NLGN1: variants seen among roughly 807,000 people sequenced by gnomAD.
NLGN1 encodes neuroligin 1.
Under a neutral mutation model 65.5 loss-of-function variants are expected in NLGN1, and 12 were observed. That is an observed-to-expected ratio of 0.18 (90% CI 0.12 to 0.30). The LOEUF (loss-of-function observed/expected upper bound fraction) is 0.30, where lower values mean the gene tolerates loss of function less well. Among genes scored for constraint, NLGN1 ranks in the 10% least tolerant of loss-of-function variants. NLGN1 has a pLI of 1.00. For missense variants in NLGN1, 750 were observed against 1,007.1 expected (o/e 0.74, Z 3.46); for synonymous variants, 350 against 359.5 (o/e 0.97, Z 0.30).
intron 4 of NLGN1, among the ~76,000 whole-genome samples, chr3:173,820,648 A>G (rs1185551611): frequency 1.3e-5 from 2 of 152,182 alleles, no homozygotes; most frequent in African/African-American, 4.8e-5. Context: ...AGAGCAATTA[A>G]AACAATATAC....
intron 2 of NLGN1, among the ~76,000 whole-genome samples, chr3:173,596,621 T>C (rs6801149): frequency 0.88 from 134,040 of 152,174 alleles, 59,106 homozygotes; most frequent in East Asian, 0.93. Context: ...TGGTGCTTGT[T>C]GTTAATCCAG....
At chr3:173,447,594 A>T (rs1358696754) in intron 2 of NLGN1, among the ~76,000 whole-genome samples, 1 of 152,306 alleles carries the variant, frequency 6.6e-6, no homozygotes, top group Middle Eastern at 3.4e-3. Context: ...CAATTCTGTG[A>T]AGAAAGTCAT....
intron 1 of NLGN1, among the ~76,000 whole-genome samples, chr3:173,405,952 T>TA (rs1488409409): frequency 1.3e-5 from 2 of 152,144 alleles, no homozygotes; most frequent in African/African-American, 4.8e-5. Flanking sequence ...ACATTTAAGT[T>TA]AGTATGATAT....
At chr3:174,215,561 G>A (rs924292278) in intron 4 of NLGN1, among the ~76,000 whole-genome samples, 1 of 152,166 alleles carries the variant, frequency 6.6e-6, no homozygotes, top group Non-Finnish European at 1.5e-5. Flanking sequence ...TTTGTACTGA[G>A]AAAACTTTGT....
At chr3:173,979,689 C>T (rs7651732) in intron 4 of NLGN1, among the ~76,000 whole-genome samples, 3,052 of 152,100 alleles carry the variant, frequency 0.02, 97 homozygotes, top group African/African-American at 0.07. Flanking sequence ...TCAAGATTAC[C>T]AGTCTTCTGA....
chr3:173,480,051 CA>C (rs1351566062), intron 2 of NLGN1, among the ~76,000 whole-genome samples: 1 of 152,056 alleles, frequency 6.6e-6, no homozygotes, highest in Non-Finnish European at 1.5e-5. Context: ...TTATTTAAGA[CA>C]GTTGAAAAGA....
intron 2 of NLGN1, among the ~76,000 whole-genome samples, chr3:173,540,010 C>T (rs1364078043): frequency 6.6e-6 from 1 of 151,160 alleles, no homozygotes; most frequent in Non-Finnish European, 1.5e-5. Flanking sequence ...TTAGATAAGA[C>T]CCAGTTTATG....
intron 4 of NLGN1, among the ~76,000 whole-genome samples, chr3:174,165,133 T>C (rs570430385): frequency 6.6e-6 from 1 of 152,178 alleles, no homozygotes; most frequent in East Asian, 1.9e-4. Flanking sequence ...TTTAATATTA[T>C]TGGTTTATAG....
At chr3:173,704,080 T>C (rs528171325) in intron 3 of NLGN1, among the ~76,000 whole-genome samples, 74 of 152,328 alleles carry the variant, frequency 4.9e-4, no homozygotes, top group Middle Eastern at 3.4e-3. Context: ...TTTATTTTTT[T>C]TACCTGCAGT....
At chr3:173,730,941 A>G (rs1003421268) in intron 3 of NLGN1, among the ~76,000 whole-genome samples, 14 of 152,088 alleles carry the variant, frequency 9.2e-5, no homozygotes, top group Non-Finnish European at 1.6e-4. Context: ...AGAGAAAGCA[A>G]ACGTATCAAT....
chr3:174,166,079 TCTC>T (rs1208297018), intron 4 of NLGN1, among the ~76,000 whole-genome samples: 4 of 152,064 alleles, frequency 2.6e-5, no homozygotes, highest in African/African-American at 4.8e-5. Context: ...ATTTGGATCT[TCTC>T]CTTTTTTTTC....
chr3:174,030,843 C>G (rs996996110), intron 4 of NLGN1, among the ~76,000 whole-genome samples: 1 of 152,128 alleles, frequency 6.6e-6, no homozygotes, highest in African/African-American at 2.4e-5. Flanking sequence ...AGGCTCAGGA[C>G]ATTACCAAAT....
At chr3:173,526,749 T>G (rs1348062417) in intron 2 of NLGN1, among the ~76,000 whole-genome samples, 3 of 152,186 alleles carry the variant, frequency 2.0e-5, no homozygotes, top group Non-Finnish European at 4.4e-5. Context: ...CTTTCCCCAC[T>G]ACCCTTTCCA....
intron 4 of NLGN1, among the ~76,000 whole-genome samples, chr3:174,038,176 T>A (rs1731542935): frequency 6.6e-6 from 1 of 152,184 alleles, no homozygotes; most frequent in Admixed American, 6.6e-5. Flanking sequence ...AGGTTTTTGC[T>A]TTTAATTCTG....
chr3:173,445,058 G>T (rs919919652), intron 2 of NLGN1, among the ~76,000 whole-genome samples: 2 of 151,512 alleles, frequency 1.3e-5, no homozygotes, highest in Non-Finnish European at 2.9e-5. Context: ...CACGAGGTCA[G>T]GAGATCGAGA....
At chr3:174,170,202 CTCTAA>C (rs1166029390) in intron 4 of NLGN1, among the ~76,000 whole-genome samples, 5 of 151,406 alleles carry the variant, frequency 3.3e-5, no homozygotes, top group Non-Finnish European at 7.4e-5. Context: ...TGCTGAAAAC[CTCTAA>C]TCTATCATCT....
At chr3:173,573,740 A>AG (rs1275002166) in intron 2 of NLGN1, among the ~76,000 whole-genome samples, 5 of 151,424 alleles carry the variant, frequency 3.3e-5, no homozygotes, top group Admixed American at 2.6e-4. Flanking sequence ...AGAGAAAAAA[A>AG]TTTTGATTGT....
intron 3 of NLGN1, among the ~76,000 whole-genome samples, chr3:173,798,641 A>G (rs190429312): frequency 5.3e-4 from 81 of 152,126 alleles, no homozygotes; most frequent in African/African-American, 1.7e-3. Flanking sequence ...TGCTTTATCT[A>G]TGTTTTCTGT....
chr3:173,841,887 G>A (rs185034059), intron 4 of NLGN1, among the ~76,000 whole-genome samples: 2 of 152,300 alleles, frequency 1.3e-5, no homozygotes, highest in East Asian at 3.9e-4. Flanking sequence ...TTATAGAATA[G>A]TAGGGACAGT....
Sources: gnomAD v4.1 joint callset for allele counts (sites outside exome capture counted in the v4.1 genomes callset) on GRCh38, gnomAD v4.1.1 for gene constraint, MANE v1.5 for transcripts, NCBI Gene and HGNC (gene_info 2026-07-23, HGNC 2026-07-21) for gene names.